EYS: variants seen among roughly 807,000 people sequenced by gnomAD.
EYS encodes protein eyes shut homolog.
Under a neutral mutation model 282.1 loss-of-function variants are expected in EYS, and 250 were observed. That is an observed-to-expected ratio of 0.89 (90% CI 0.80 to 0.98). EYS has a LOEUF of 0.98. EYS is among the 50% of genes least tolerant of loss of function. The probability of loss-of-function intolerance (pLI) is 0.00; values close to 1 mark genes in which losing one functional copy is unlikely to be tolerated. For missense variants in EYS, 4,016 were observed against 3,709.0 expected (o/e 1.08, Z -2.15); for synonymous variants, 1,355 against 1,282.9 (o/e 1.06, Z -1.20).
chr6:64,994,252 A>C (rs1050566239), intron 14 of EYS, among the ~76,000 whole-genome samples: 2 of 152,114 alleles, frequency 1.3e-5, no homozygotes, highest in Non-Finnish European at 2.9e-5. Flanking sequence ...CCATAAAGAA[A>C]GGAAAAGAAG....
At position 65,498,025 on chromosome 6, in the gene EYS, C is replaced by T. The variant is rs185543498; in HGVS notation, c.-332-2032G>A. On this transcript the variant is annotated intron_variant, in intron 2 of 42. Coordinates refer to ENST00000503581, the MANE Select transcript of EYS (RefSeq NM_001142800.2). ...AAGACTAATTAGTACAGAGGCAATA[C>T]AAATATAACACTCGTGAAGTCCATA... Among the ~76,000 whole-genome samples, 874 of 152,044 alleles carry T rather than the reference C, an allele frequency of 5.7e-3. 17 individuals are homozygous for T. Among genetic ancestry groups the T allele is most frequent in the South Asian group, 0.039 (186 of 4,826 alleles).
At chr6:65,448,412 C>T (rs1411585270) in intron 5 of EYS, among the ~76,000 whole-genome samples, 2 of 152,066 alleles carry the variant, frequency 1.3e-5, no homozygotes, top group Non-Finnish European at 2.9e-5. Flanking sequence ...AAGCTGAAAT[C>T]ATTCTTAAAA....
At chr6:64,686,143 A>C (rs1770092871) in intron 22 of EYS, among the ~76,000 whole-genome samples, 1 of 152,052 alleles carries the variant, frequency 6.6e-6, no homozygotes, top group Non-Finnish European at 1.5e-5. Context: ...TGCTTAGGGA[A>C]AAAATTACAG....
intron 12 of EYS, among the ~76,000 whole-genome samples, chr6:65,265,449 T>G (rs528521808): frequency 6.6e-6 from 1 of 152,076 alleles, no homozygotes; most frequent in South Asian, 2.1e-4. Flanking sequence ...TGAACGTGAT[T>G]CCTAAGAGAA....
chr6:64,732,227 TGCAGCAAACC>T (rs761429311), intron 22 of EYS, among the ~76,000 whole-genome samples: 7,062 of 151,542 alleles, frequency 0.047, 218 homozygotes, highest in East Asian at 0.18. Flanking sequence ...GGTTGCTGGG[TGCAGCAAACC>T]ACCGTGGCAC....
chr6:64,503,582 C>T (rs760521669), intron 26 of EYS, among the ~76,000 whole-genome samples: 2 of 152,096 alleles, frequency 1.3e-5, no homozygotes, highest in Non-Finnish European at 2.9e-5. Context: ...AGATTCAGCT[C>T]CCTAACTCTT....
chr6:64,164,549 CTAGT>C (rs1775208073), intron 31 of EYS, among the ~76,000 whole-genome samples: 2 of 152,036 alleles, frequency 1.3e-5, no homozygotes, highest in Admixed American at 6.6e-5. Flanking sequence ...ATACTAAAAG[CTAGT>C]TAAATAGCCA....
At chr6:64,089,441 T>A (rs1772277343) in intron 31 of EYS, among the ~76,000 whole-genome samples, 1 of 149,472 alleles carries the variant, frequency 6.7e-6, no homozygotes, top group Non-Finnish European at 1.5e-5. Context: ...ACAATTAAAA[T>A]GATTATAATT....
chr6:65,464,913 AC>A (rs1764945659), intron 5 of EYS, among the ~76,000 whole-genome samples: 1 of 152,186 alleles, frequency 6.6e-6, no homozygotes, highest in Non-Finnish European at 1.5e-5. Flanking sequence ...AAAGGTATCC[AC>A]ATGACCTAAT....
At chr6:65,101,728 G>T (rs1428531690) in intron 12 of EYS, among the ~76,000 whole-genome samples, 1 of 151,040 alleles carries the variant, frequency 6.6e-6, no homozygotes, top group Non-Finnish European at 1.5e-5. Context: ...CCTTGCTATT[G>T]GTATAAGTAT....
At chr6:65,336,618 T>G (rs1406913897) in intron 10 of EYS, among the ~76,000 whole-genome samples, 1 of 151,624 alleles carries the variant, frequency 6.6e-6, no homozygotes, top group Non-Finnish European at 1.5e-5. Context: ...GTGGTTTTGC[T>G]AAATACTTTT....
chr6:64,226,390 C>T (rs188140818), intron 31 of EYS, among the ~76,000 whole-genome samples: 8 of 152,070 alleles, frequency 5.3e-5, no homozygotes, highest in East Asian at 3.9e-4. Context: ...TGTTAATGTA[C>T]GGCATTTAAA....
At chr6:64,180,489 A>G (rs894896787) in intron 31 of EYS, among the ~76,000 whole-genome samples, 2 of 152,132 alleles carry the variant, frequency 1.3e-5, no homozygotes, top group African/African-American at 4.8e-5. Context: ...TAAACTGCAT[A>G]TCACTGAGGT....
chr6:63,811,201 A>G (rs1771037647), intron 36 of EYS, among the ~76,000 whole-genome samples: 1 of 152,172 alleles, frequency 6.6e-6, no homozygotes, highest in Non-Finnish European at 1.5e-5. Flanking sequence ...TCTGCTCAAC[A>G]TACTATCAAG....
intron 39 of EYS, among the ~76,000 whole-genome samples, chr6:63,780,810 T>C (rs2149666008): frequency 6.6e-6 from 1 of 152,356 alleles, no homozygotes; most frequent in Non-Finnish European, 1.5e-5. Flanking sequence ...GTTTTAGACA[T>C]GAAGTCCTTG....
chr6:65,091,111 G>A (rs1488399186), intron 12 of EYS, among the ~76,000 whole-genome samples: 3 of 151,562 alleles, frequency 2.0e-5, no homozygotes, highest in Admixed American at 6.6e-5. Context: ...TCTGGATTAG[G>A]AGAAATTTAA....
chr6:65,241,873 G>A (rs1767065858), intron 12 of EYS, among the ~76,000 whole-genome samples: 2 of 151,934 alleles, frequency 1.3e-5, no homozygotes, highest in Admixed American at 1.3e-4. Flanking sequence ...ACTTATTAAC[G>A]AGTCAATTTA....
At chr6:64,774,027 G>A (rs1257234505) in intron 22 of EYS, among the ~76,000 whole-genome samples, 1 of 151,698 alleles carries the variant, frequency 6.6e-6, no homozygotes, top group Non-Finnish European at 1.5e-5. Context: ...CAGATAATGA[G>A]GTCTTTACTG....
At chr6:65,096,856 G>A (rs116398033) in intron 12 of EYS, among the ~76,000 whole-genome samples, 42 of 151,046 alleles carry the variant, frequency 2.8e-4, no homozygotes, top group African/African-American at 8.2e-4. Context: ...CTCAAATTGG[G>A]TGAAAAACTT....
Sources: allele counts gnomAD v4.1 joint callset (sites outside exome capture counted in the v4.1 genomes callset), GRCh38; gene constraint gnomAD v4.1.1; transcripts MANE v1.5; gene names NCBI Gene and HGNC (gene_info 2026-07-23, HGNC 2026-07-21).